SCRG1: variants seen among roughly 807,000 people sequenced by gnomAD.
SCRG1 encodes stimulator of chondrogenesis 1.
Under a neutral mutation model 7.7 loss-of-function variants are expected in SCRG1, and 3 were observed. That is an observed-to-expected ratio of 0.39 (90% CI 0.18 to 1.01). The LOEUF is 1.01. Among genes scored for constraint, SCRG1 ranks in the 50% least tolerant of loss-of-function variants. The pLI is 0.36. For synonymous variants in SCRG1, 46 were observed against 41.2 expected (o/e 1.12, Z -0.44); for missense variants, 110 against 117.2 (o/e 0.94, Z 0.28).
At chr4:173,498,414 C>G in the SCRG1 span, among the ~76,000 whole-genome samples, 173 of 152,334 alleles carry the variant, frequency 1.1e-3, no homozygotes, top group African/African-American at 4.1e-3. Flanking sequence ...GATCCGTGTT[C>G]ACCTAAACCT....
chr4:173,485,466 C>T, the SCRG1 span, among the ~76,000 whole-genome samples: 1 of 151,410 alleles, frequency 6.6e-6, no homozygotes, highest in Admixed American at 6.6e-5. Flanking sequence ...ACTGAGGCTG[C>T]CTGAGTGATC....
At chr4:173,418,592 C>A in the SCRG1 span, among the ~76,000 whole-genome samples, 6 of 152,210 alleles carry the variant, frequency 3.9e-5, no homozygotes, top group African/African-American at 1.4e-4. Flanking sequence ...GACTCCAAAA[C>A]CATTTTAGAA....
chr4:173,483,861 T>G, the SCRG1 span, among the ~76,000 whole-genome samples: 1 of 22,828 alleles, frequency 4.4e-5, no homozygotes, highest in Non-Finnish European at 1.4e-4. Flanking sequence ...TATTTCATAT[T>G]ACATATGTTA....
At chr4:173,517,424 G>A in the SCRG1 span, among the ~76,000 whole-genome samples, 2 of 151,464 alleles carry the variant, frequency 1.3e-5, no homozygotes, top group African/African-American at 4.8e-5. Flanking sequence ...TTTATATAAG[G>A]AGTTTTGCGT....
At chr4:173,504,924 A>G in the SCRG1 span, among the ~76,000 whole-genome samples, 1 of 152,234 alleles carries the variant, frequency 6.6e-6, no homozygotes, top group Non-Finnish European at 1.5e-5. The surrounding 1 kb of genome is among the most constrained non-coding windows in gnomAD (Gnocchi z 4.7). Flanking sequence ...AAATGCATGA[A>G]TGCAGTGCCA....
At chr4:173,484,912 A>G in the SCRG1 span, among the ~76,000 whole-genome samples, 1 of 26,840 alleles carries the variant, frequency 3.7e-5, no homozygotes, top group Non-Finnish European at 6.3e-5. Flanking sequence ...TACATTATGT[A>G]TATTTTAGAT....
the SCRG1 span, among the ~76,000 whole-genome samples, chr4:173,456,332 A>G: frequency 6.6e-6 from 1 of 152,230 alleles, no homozygotes; most frequent in Non-Finnish European, 1.5e-5. Context: ...TGAACAGGAA[A>G]CATGCCAAAG....
intron 1 of SCRG1, among the ~76,000 whole-genome samples, chr4:173,397,825 A>G (rs918193924): frequency 6.6e-6 from 1 of 152,236 alleles, no homozygotes; most frequent in African/African-American, 2.4e-5. Flanking sequence ...TGGTATTAAG[A>G]GCAGTGGCAT....
chr4:173,514,097 C>T, the SCRG1 span, among the ~76,000 whole-genome samples: 2 of 152,148 alleles, frequency 1.3e-5, no homozygotes, highest in African/African-American at 4.8e-5. Flanking sequence ...TTCTGTTTTG[C>T]TCAATGGGTC....
At chr4:173,437,948 G>T in the SCRG1 span, among the ~76,000 whole-genome samples, 1 of 152,138 alleles carries the variant, frequency 6.6e-6, no homozygotes, top group African/African-American at 2.4e-5. Context: ...CATAAGGCCT[G>T]CTATACCACA....
At chr4:173,471,739 T>C in the SCRG1 span, among the ~76,000 whole-genome samples, 1 of 152,236 alleles carries the variant, frequency 6.6e-6, no homozygotes, top group Admixed American at 6.5e-5. Context: ...TTTGCTTTTT[T>C]GCTCTTGTTG....
At chr4:173,450,369 T>A in the SCRG1 span, among the ~76,000 whole-genome samples, 1 of 152,198 alleles carries the variant, frequency 6.6e-6, no homozygotes, top group Non-Finnish European at 1.5e-5. Context: ...CCAGATATTT[T>A]TTTTAAAGCT....
At chr4:173,479,443 G>GT in the SCRG1 span, among the ~76,000 whole-genome samples, 12,564 of 135,174 alleles carry the variant, frequency 0.093, 743 homozygotes, top group Non-Finnish European at 0.1. Flanking sequence ...TTGTTTTTTT[G>GT]TTTTTTTTTT....
At chr4:173,485,182 C>A in the SCRG1 span, among the ~76,000 whole-genome samples, 1 of 102,412 alleles carries the variant, frequency 9.8e-6, no homozygotes, top group Non-Finnish European at 1.7e-5. Flanking sequence ...TTATATATTA[C>A]ATTATATGTA....
At chr4:173,407,034 CCT>C (rs1329331986), upstream of SCRG1, among the ~76,000 whole-genome samples, 1 of 135,680 alleles carries the variant, frequency 7.4e-6, no homozygotes, top group Non-Finnish European at 1.6e-5. Context: ...ATGGTGAAAC[CCT>C]GTCTCTACTA....
the SCRG1 span, among the ~76,000 whole-genome samples, chr4:173,515,406 G>A: frequency 1.4e-5 from 2 of 140,494 alleles, no homozygotes; most frequent in African/African-American, 5.3e-5. This position sits in a 1 kb window ranked among gnomAD's most constrained non-coding sequence, Gnocchi z 4.6. Context: ...AACAGAAGGA[G>A]TCAAGGTGTT....
At chr4:173,473,624 G>T in the SCRG1 span, among the ~76,000 whole-genome samples, 13 of 152,164 alleles carry the variant, frequency 8.5e-5, no homozygotes, top group Admixed American at 3.3e-4. Context: ...GGAACTCTGT[G>T]CATAAGGAAA....
the SCRG1 span, among the ~76,000 whole-genome samples, chr4:173,461,078 A>C: frequency 6.6e-6 from 1 of 152,168 alleles, no homozygotes; most frequent in African/African-American, 2.4e-5. Flanking sequence ...GTAGACTTCT[A>C]AGGTTTTTCA....
At chr4:173,518,224 G>A in the SCRG1 span, among the ~76,000 whole-genome samples, 1 of 152,062 alleles carries the variant, frequency 6.6e-6, no homozygotes, top group African/African-American at 2.4e-5. Flanking sequence ...AATCAGCTCC[G>A]AAACTGGGTG....
Sources: allele counts gnomAD v4.1 joint callset (sites outside exome capture counted in the v4.1 genomes callset), GRCh38; gene constraint gnomAD v4.1.1; non-coding constraint Gnocchi (gnomAD v3.1); transcripts MANE v1.5; gene names NCBI Gene and HGNC (gene_info 2026-07-23, HGNC 2026-07-21).